The following HDAC9 variants were observed in gnomAD, a reference collection of about 807,000 sequenced individuals.
HDAC9 encodes MEF-2 interacting transcription repressor (MITR) protein.
A neutral mutation model predicts 139.4 loss-of-function variants in HDAC9; 41 were observed. That is an observed-to-expected ratio of 0.29 (90% CI 0.23 to 0.38). The LOEUF is 0.38. HDAC9 is among the 10% of genes least tolerant of loss of function. The pLI is 1.00. For missense variants in HDAC9, 1,147 were observed against 1,297.0 expected, an observed-to-expected ratio of 0.88 and a Z score of 1.78; for synonymous variants, 517 against 476.2, an observed-to-expected ratio of 1.09 and a Z score of -1.12.
At chr7:18,380,196 T>G (rs1375324396) in intron 1 of HDAC9, among the ~76,000 whole-genome samples, 1 of 152,114 alleles carries the variant, frequency 6.6e-6, no homozygotes, top group Non-Finnish European at 1.5e-5. Flanking sequence ...CACAATAAGA[T>G]TAAAATCAAA....
intron 1 of HDAC9, among the ~76,000 whole-genome samples, chr7:18,490,585 G>A (rs1418174643): frequency 6.6e-6 from 1 of 151,866 alleles, no homozygotes; most frequent in African/African-American, 2.4e-5. Flanking sequence ...TTTCTAAGTG[G>A]GGAGAAATCA....
intron 1 of HDAC9, among the ~76,000 whole-genome samples, chr7:18,148,549 C>T (rs569429432): frequency 1.1e-4 from 16 of 152,166 alleles, no homozygotes; most frequent in East Asian, 1.9e-4. Context: ...CTCCGCCTCC[C>T]GGGCTCATGC....
intron 6 of HDAC9, among the ~76,000 whole-genome samples, chr7:18,625,920 C>T (rs960556241): frequency 3.7e-5 from 5 of 136,680 alleles, no homozygotes; most frequent in African/African-American, 1.5e-4. Flanking sequence ...ACACTCCAGC[C>T]TGGGCAACAG....
At chr7:18,994,839 C>G (rs1225189961) in intron 25 of HDAC9, among the ~76,000 whole-genome samples, 1 of 152,016 alleles carries the variant, frequency 6.6e-6, no homozygotes, top group African/African-American at 2.4e-5. Context: ...GCATGTTTTC[C>G]TAATATGAAA....
chr7:18,319,297 C>A (rs600846), intron 1 of HDAC9, among the ~76,000 whole-genome samples: 26,868 of 152,032 alleles, frequency 0.18, 2,511 homozygotes, highest in East Asian at 0.26. Context: ...TTTTAGTTAT[C>A]TCCTTCTTTT....
chr7:18,093,827 G>A (rs1308174264), intron 1 of HDAC9, among the ~76,000 whole-genome samples: 1 of 152,086 alleles, frequency 6.6e-6, no homozygotes, highest in Non-Finnish European at 1.5e-5. Context: ...TGGTGCCTCT[G>A]AAATCTATTC....
At chr7:18,840,728 T>TTGAGTTCA (rs1796531042) in intron 21 of HDAC9, among the ~76,000 whole-genome samples, 1 of 152,090 alleles carries the variant, frequency 6.6e-6, no homozygotes, top group Non-Finnish European at 1.5e-5. Context: ...TTCTCCTGTC[T>TTGAGTTCA]TGAGTTCATA....
chr7:18,993,467 C>T (rs1454672986), intron 25 of HDAC9, among the ~76,000 whole-genome samples: 1 of 152,072 alleles, frequency 6.6e-6, no homozygotes, highest in African/African-American at 2.4e-5. Context: ...GGATATTTTC[C>T]AACTTACTAT....
Position 18,644,740 on chromosome 7 carries a change from C to A in HDAC9, c.982C>A (p.Pro328Thr). 4 of 1,612,332 alleles carry A rather than the reference C, an allele frequency of 2.5e-6. No homozygotes were observed. The highest frequency in any genetic ancestry group is 3.4e-6 in the Non-Finnish European group (4 of 1,179,022). ...SMNLLSLYTS[P>T]SLPNITLGLP... The stretch of plus-strand genomic sequence containing the variant: ...GAACCTGCTAAGTCTTTATACCTCT[C>A]CTTCTTTGCCCAACATTACCTTGGG... The change falls in exon 9 of 26, where the codon CCT (proline) becomes ACT (threonine). Residue 328 changes from proline to threonine, a missense_variant. Around this residue, in one of 7 missense-constraint regions of HDAC9, gnomAD observed 264 missense variants for 273.8 expected, o/e 0.96. Coordinates refer to ENST00000686413, the MANE Select transcript of HDAC9 (RefSeq NM_178425.4).
rs1306944592 is a variant in HDAC9 at position 18,901,219 on chromosome 7, TATAC to T, written c.2803+26625_2803+26628del. On this transcript the variant is annotated intron_variant, in intron 22 of 25. Transcript: ENST00000686413. ...TATACTATATATACATATATATATA[TATAC>T]ACACACACACACACACACACACACA... Among the ~76,000 whole-genome samples, 829 of 130,848 alleles carry T rather than the reference TATAC, an allele frequency of 6.3e-3. 3 individuals carry two copies. The highest frequency in any genetic ancestry group is 0.024 in the African/African-American group (773 of 32,846). 85.8% of individuals were successfully genotyped at this position (130,848 alleles called of 152,430 possible). A position where few individuals can be genotyped will look rare whatever the true frequency, so the allele number is the denominator to read the frequency against.
At chr7:18,209,700 C>CT (rs543703347) in intron 2 of HDAC9, among the ~76,000 whole-genome samples, 69 of 150,080 alleles carry the variant, frequency 4.6e-4, no homozygotes, top group Non-Finnish European at 8.4e-4. Context: ...AGAGCAGGTA[C>CT]TTTTTTCTTT....
intron 1 of HDAC9, among the ~76,000 whole-genome samples, chr7:18,396,953 C>T (rs1336176597): frequency 6.6e-6 from 1 of 151,976 alleles, no homozygotes; most frequent in Admixed American, 6.6e-5. Context: ...AATACCTTCT[C>T]TCCCAATACC....
chr7:18,854,597 G>T (rs997477682), intron 21 of HDAC9, among the ~76,000 whole-genome samples: 5 of 151,830 alleles, frequency 3.3e-5, no homozygotes, highest in Non-Finnish European at 7.4e-5. Context: ...AGAAATGGCT[G>T]TAAGAGAAAG....
intron 16 of HDAC9, among the ~76,000 whole-genome samples, chr7:18,790,413 G>A (rs1371163719): frequency 2.0e-5 from 1 of 50,224 alleles, no homozygotes; most frequent in Admixed American, 1.5e-4. Context: ...AAGGGCATGT[G>A]AGGATGTAGC....
intron 1 of HDAC9, among the ~76,000 whole-genome samples, chr7:18,146,611 C>T (rs113415631): frequency 8.7e-4 from 133 of 152,240 alleles, no homozygotes; most frequent in African/African-American, 2.9e-3. Flanking sequence ...TCAGCAACAA[C>T]GGGCTGCAGA....
chr7:18,185,467 A>G (rs1460846773), intron 2 of HDAC9, among the ~76,000 whole-genome samples: 3 of 152,248 alleles, frequency 2.0e-5, no homozygotes, highest in Non-Finnish European at 4.4e-5. Context: ...CTTACCATTT[A>G]GGAGATGACA....
intron 1 of HDAC9, chr7:18,087,863 G>C (rs762874926): frequency 6.6e-6 from 1 of 152,448 alleles, no homozygotes; most frequent in Non-Finnish European, 1.5e-5. Flanking sequence ...TGGCTTTGAA[G>C]CCGTTATCCC....
At chr7:18,131,672 T>C (rs1406625331) in intron 1 of HDAC9, among the ~76,000 whole-genome samples, 9 of 152,066 alleles carry the variant, frequency 5.9e-5, no homozygotes, top group Non-Finnish European at 1.0e-4. Flanking sequence ...ACTACTCCCT[T>C]TCTGTTAAGC....
chr7:18,189,321 A>G (rs750783240), intron 2 of HDAC9, among the ~76,000 whole-genome samples: 30 of 151,804 alleles, frequency 2.0e-4, no homozygotes, highest in Non-Finnish European at 4.3e-4. Context: ...AGAGGGGAAC[A>G]ACACACTCCA....
Sources: gnomAD v4.1 joint callset for allele counts (sites outside exome capture counted in the v4.1 genomes callset) on GRCh38, gnomAD v4.1.1 for gene constraint, gnomAD v4.1.1 regional missense constraint, MANE v1.5 for transcripts, NCBI Gene and HGNC (gene_info 2026-07-23, HGNC 2026-07-21) for gene names.